FAM120C: variants seen among roughly 807,000 people sequenced by gnomAD.
FAM120C encodes family with sequence similarity 120 member C, also known as constitutive coactivator of PPAR-gamma-like protein 2.
In FAM120C, 14 loss-of-function variants were observed where a neutral mutation model predicts 71.2. The observed-to-expected ratio is 0.20, with a 90% CI of 0.13 to 0.31. FAM120C has a LOEUF of 0.31. Ranked by LOEUF, FAM120C falls within the 10% of genes least tolerant of loss-of-function variation. FAM120C has a pLI of 1.00. For synonymous variants in FAM120C, 354 were observed against 353.2 expected, an observed-to-expected ratio of 1.00 and a Z score of -0.03; for missense variants, 500 against 879.0, an observed-to-expected ratio of 0.57 and a Z score of 5.45.
chrX:54,094,022 G>A (rs1411813188), intron 10 of FAM120C, among the ~76,000 whole-genome samples: 2 of 108,537 alleles, frequency 1.8e-5, no homozygotes, highest in African/African-American at 6.7e-5. Flanking sequence ...AAAGTATGTC[G>A]TGGCAAAGAA....
Position 54,183,208 on chromosome X carries a change from G to A in FAM120C, c.-10C>T. The A allele has an allele frequency of 9.3e-7, 1 of 1,077,470 alleles. No individual in the cohort carries two copies. Among genetic ancestry groups the A allele is most frequent in the Non-Finnish European group, 1.2e-6 (1 of 829,771 alleles). 88.8% of individuals were successfully genotyped at this position (1,077,470 alleles called of 1,213,427 possible). On this transcript the variant is annotated 5_prime_UTR_variant, in exon 1 of 16. Coordinates refer to ENST00000375180, the MANE Select transcript of FAM120C (RefSeq NM_017848.6). Reference sequence around the variant, plus strand: ...AGCCCTGGACACCCATGCTTCGTCGGTGGGCAGACGCGATAGCGGCTGCGC... The same window carrying A: ...AGCCCTGGACACCCATGCTTCGTCGATGGGCAGACGCGATAGCGGCTGCGC...
Position 54,151,337 on chromosome X carries a change from C to T in FAM120C, c.1066G>A (p.Val356Met), listed in dbSNP as rs1385861209. Residue 356 changes from valine to methionine, a missense_variant, in exon 4 of 16, where the codon GTG becomes ATG. Coordinates refer to ENST00000375180, the MANE Select transcript of FAM120C (RefSeq NM_017848.6). ...AHQLVLPPCD[V>M]VIKAVSEYVS... ...TACTCAGAAACAGCCTTGATCACCA[C>T]GTCACAGGGAGGAAGAACCAGCTGA... The T allele has an allele frequency of 1.6e-5, 19 of 1,208,022 alleles. No individual in the cohort carries two copies. The highest frequency in any genetic ancestry group is 2.2e-5 in the Admixed American group (1 of 45,402).
At chrX:54,124,748 G>A (rs782514972) in intron 9 of FAM120C, among the ~76,000 whole-genome samples, 6 of 111,610 alleles carry the variant, frequency 5.4e-5, no homozygotes, top group Admixed American at 9.5e-5. Context: ...CCTCCCCACC[G>A]ACCTAGAAGC....
intron 1 of FAM120C, among the ~76,000 whole-genome samples, chrX:54,172,701 C>G (rs2067294533): frequency 9.0e-6 from 1 of 111,646 alleles, no homozygotes; most frequent in African/African-American, 3.3e-5. Flanking sequence ...GTATCAGAAT[C>G]AGCTGGAGGG....
chrX:54,155,936 A>T (rs190727574), intron 3 of FAM120C, among the ~76,000 whole-genome samples: 3,051 of 110,804 alleles, frequency 0.028, 103 homozygotes, highest in African/African-American at 0.089. Context: ...CTTAAAAAAA[A>T]TTTTTTTAAA....
At chrX:54,079,837 T>C (rs931213536) in intron 15 of FAM120C, among the ~76,000 whole-genome samples, 4 of 110,847 alleles carry the variant, frequency 3.6e-5, no homozygotes, top group Non-Finnish European at 7.6e-5. Context: ...CCGCCACATA[T>C]ATTCAGCAAA....
chrX:54,075,490 A>T (rs1337217489), intron 15 of FAM120C, among the ~76,000 whole-genome samples: 1 of 112,128 alleles, frequency 8.9e-6, no homozygotes, highest in African/African-American at 3.2e-5. Context: ...CATTACAAGT[A>T]AGTGACTTAA....
At chrX:54,097,584 A>AACATTATTC (rs781972286) in intron 10 of FAM120C, among the ~76,000 whole-genome samples, 2 of 112,208 alleles carry the variant, frequency 1.8e-5, no homozygotes, top group Non-Finnish European at 3.8e-5. Context: ...TGTGAATATT[A>AACATTATTC]ACAGTGTCCT....
At chrX:54,074,695 C>T (rs1557120429) in intron 15 of FAM120C, among the ~76,000 whole-genome samples, 1 of 112,556 alleles carries the variant, frequency 8.9e-6, no homozygotes, top group Non-Finnish European at 1.9e-5. Context: ...GTATTATAGG[C>T]GTGAGCCACA....
intron 13 of FAM120C, 142 bp downstream of exon 13, chrX:54,085,573 G>T: frequency 1.8e-6 from 1 of 566,648 alleles, no homozygotes; most frequent in Non-Finnish European, 2.7e-6. Flanking sequence ...GGCGACAAGA[G>T]TGAAACTCCG....
chrX:54,110,968 G>A (rs1359145811), intron 10 of FAM120C, among the ~76,000 whole-genome samples: 1 of 109,696 alleles, frequency 9.1e-6, no homozygotes, highest in Non-Finnish European at 1.9e-5. Flanking sequence ...GCTGAGGCAG[G>A]AGAATCACTT....
chrX:54,177,678 C>T (rs1276743369), intron 1 of FAM120C, among the ~76,000 whole-genome samples: 1 of 110,991 alleles, frequency 9.0e-6, no homozygotes, highest in Non-Finnish European at 1.9e-5. Flanking sequence ...TGAGAGAGGT[C>T]GAGGGTAGAG....
At chrX:54,114,412 A>G (rs895973505) in intron 10 of FAM120C, among the ~76,000 whole-genome samples, 6 of 110,932 alleles carry the variant, frequency 5.4e-5, no homozygotes, top group African/African-American at 2.0e-4. Context: ...AATCTATAAA[A>G]ATAAAGTTTT....
rs1301804098 is a variant in FAM120C at position 54,069,853 on chromosome X, A to G, written c.*3180T>C. 5.4e-5 allele frequency: 6 copies of G among 111,761 alleles called. No homozygotes were observed. The highest frequency in any genetic ancestry group is 9.4e-5 in the Non-Finnish European group (5 of 53,149). The allele number at this position is 111,761 out of a possible 1,213,427, so 9.2% of individuals were successfully genotyped here. A position where few individuals can be genotyped will look rare whatever the true frequency, so the allele number is the denominator to read the frequency against. On this transcript the variant is annotated 3_prime_UTR_variant, in exon 16 of 16. Coordinates refer to ENST00000375180, the MANE Select transcript of FAM120C (RefSeq NM_017848.6). Reference sequence around the variant, plus strand: ...TGGTCACTGACTAAGTAAGAGTAGGAGTTATAAGCTGATCCCAAGACACAC... The same window carrying G: ...TGGTCACTGACTAAGTAAGAGTAGGGGTTATAAGCTGATCCCAAGACACAC...
intron 9 of FAM120C, among the ~76,000 whole-genome samples, chrX:54,127,320 A>T (rs936375390): frequency 1.8e-5 from 2 of 110,021 alleles, no homozygotes; most frequent in Non-Finnish European, 3.8e-5. Context: ...GGCCGGGTGC[A>T]GTGGCTCACA....
At chrX:54,076,237 G>A (rs1282804911) in intron 15 of FAM120C, among the ~76,000 whole-genome samples, 2 of 110,449 alleles carry the variant, frequency 1.8e-5, no homozygotes, top group African/African-American at 6.6e-5. Context: ...TACTTGGGAG[G>A]CTAAGGCAGG....
At chrX:54,079,080 G>A (rs781878038) in intron 15 of FAM120C, among the ~76,000 whole-genome samples, 1 of 108,548 alleles carries the variant, frequency 9.2e-6, no homozygotes, top group Non-Finnish European at 1.9e-5. Flanking sequence ...CTAACACAGT[G>A]AAACCCCATC....
chrX:54,147,985 C>A (rs1375389198), intron 4 of FAM120C, among the ~76,000 whole-genome samples: 2 of 111,524 alleles, frequency 1.8e-5, no homozygotes, highest in Admixed American at 9.6e-5. Context: ...GTGTGAGCCA[C>A]CACGTCCGGC....
At position 54,071,275 on chromosome X, in the gene FAM120C, C is replaced by A. The variant is rs782236325; in HGVS notation, c.*1758G>T. The A allele has an allele frequency of 8.9e-6, 1 of 112,553 alleles. No homozygotes were observed. The highest frequency in any genetic ancestry group is 2.8e-4 in the East Asian group (1 of 3,566). 9.3% of individuals were successfully genotyped at this position (112,553 alleles called of 1,213,427 possible). On this transcript the variant is annotated 3_prime_UTR_variant, in exon 16 of 16. Transcript: ENST00000375180. The stretch of plus-strand genomic sequence containing the variant: ...GATTATCTCCAGCAAGGAGGAATAG[C>A]CTCTTTATCCTGGGCAGATCCTGGC...
Sources: gnomAD v4.1 joint callset for allele counts (sites outside exome capture counted in the v4.1 genomes callset) on GRCh38, gnomAD v4.1.1 for gene constraint, MANE v1.5 for transcripts, NCBI Gene and HGNC (gene_info 2026-07-23, HGNC 2026-07-21) for gene names.